HDAC7: variants seen among roughly 807,000 people sequenced by gnomAD.
HDAC7 encodes histone deacetylase 7A.
In HDAC7, 26 loss-of-function variants were observed where a neutral mutation model predicts 115.5. The ratio of observed to expected loss-of-function variants is 0.23; its 90% CI spans 0.16 to 0.31. The LOEUF is 0.31. HDAC7 is among the 10% of genes least tolerant of loss of function. The pLI, the probability that HDAC7 is intolerant of heterozygous loss-of-function variation, is 1.00. For missense variants in HDAC7, 1,068 were observed against 1,329.0 expected (o/e 0.80, Z 3.05); for synonymous variants, 564 against 550.9 (o/e 1.02, Z -0.33).
At position 47,794,974 on chromosome 12, in the gene HDAC7, G is replaced by A. The variant is rs370083746; in HGVS notation, c.1285-41C>T. ...CCTGGCTGAGAAGCCATGGTGGAGC[G>A]AGGGGCATGGGGTGGGAGGTGGTGG... On this transcript the variant is annotated intron_variant, in intron 11 of 25. Transcript: ENST00000080059. The A allele has an allele frequency of 4.2e-5, 66 of 1,575,096 alleles. No homozygotes were observed. The African/African-American group carries it at 6.8e-4, about 16-fold the overall frequency.
chr12:47,792,119 A>G, intron 13 of HDAC7, 115 bp from the exon 14 acceptor site: 1 of 1,256,596 alleles, frequency 8.0e-7, no homozygotes, highest in South Asian at 1.5e-5. Context: ...CCGGGCGGGT[A>G]CACACCCCTC....
At chr12:47,788,021 G>A (rs1555197025) in intron 20 of HDAC7, 24 bp downstream of exon 20, 1 of 1,602,386 alleles carries the variant, frequency 6.2e-7, no homozygotes, top group East Asian at 2.2e-5. Context: ...GAGGCTGGAA[G>A]ATGTGGCCCT....
chr12:47,815,259 GATC>G (rs1413071090), intron 1 of HDAC7, among the ~76,000 whole-genome samples: 4 of 152,190 alleles, frequency 2.6e-5, no homozygotes, highest in Admixed American at 2.6e-4. Context: ...CCAGAGGAAA[GATC>G]AGCCCCAATT....
At chr12:47,789,387 A>C (rs1197440095) in intron 18 of HDAC7, 39 bp from the exon 19 acceptor site, 1 of 1,584,472 alleles carries the variant, frequency 6.3e-7, no homozygotes, top group African/African-American at 1.3e-5. Flanking sequence ...CATTCTCTCC[A>C]CATGCCCTCA....
chr12:47,785,987 G>T, intron 22 of HDAC7, 102 bp from the exon 23 acceptor site: 1 of 1,158,930 alleles, frequency 8.6e-7, no homozygotes, highest in Non-Finnish European at 1.2e-6. Context: ...AATAAAGAAT[G>T]ACTCACATGT....
intron 2 of HDAC7, among the ~76,000 whole-genome samples, chr12:47,800,211 C>A (rs900848108): frequency 1.1e-4 from 16 of 152,150 alleles, no homozygotes; most frequent in African/African-American, 3.9e-4. Context: ...AATAAGGAAA[C>A]CGAGGCTCGG....
intron 2 of HDAC7, among the ~76,000 whole-genome samples, chr12:47,799,879 GA>G (rs1390402967): frequency 6.6e-6 from 1 of 152,226 alleles, no homozygotes; most frequent in Non-Finnish European, 1.5e-5. Context: ...TTATCCTGGA[GA>G]AGGGGAAGTG....
Position 47,795,262 on chromosome 12 carries a change from G to C in HDAC7, c.1206C>G (p.Pro402=), listed in dbSNP as rs774454875. Residue 402 remains proline (P), a synonymous_variant, in exon 11 of 26, where the codon CCC becomes CCG. Transcript: ENST00000080059. This position sits in a 1 kb window ranked among gnomAD's most constrained non-coding sequence, Gnocchi z 4.3. ...CCGGCGGTGGGGGAGCGGTGGCACTGGGGGGCAGGGGCTCTGAGCGAGTCC... is the reference window on the plus strand; with the variant it reads ...CCGGCGGTGGGGGAGCGGTGGCACTCGGGGGCAGGGGCTCTGAGCGAGTCC... ...LSRTRSEPLP[P]SATAPPPPGP... is the part of the protein sequence containing the mutation. The C allele has an allele frequency of 4.3e-5, 70 of 1,610,928 alleles. No individual in the cohort carries two copies. The highest frequency in any genetic ancestry group is 5.6e-5 in the Non-Finnish European group (66 of 1,177,832).
rs148806368 is a variant in HDAC7 at position 47,808,325 on chromosome 12, C to T, written c.20-6051G>A. The stretch of plus-strand genomic sequence containing the variant: ...GAGCTGGGAGCCAGTGTCGCCCCCC[C>T]ACCCCACCTCCACTTCTGCTGTTTG... On this transcript the variant is annotated intron_variant, in intron 1 of 25. Coordinates refer to ENST00000080059, the MANE Select transcript of HDAC7 (RefSeq NM_015401.5). Among the ~76,000 whole-genome samples the T allele has an allele frequency of 2.0e-3, 308 of 152,302 alleles. 1 individual carries two copies. Among genetic ancestry groups the T allele is most frequent in the African/African-American group, 6.9e-3 (285 of 41,554 alleles).
chr12:47,788,183 A>T lies in HDAC7; in HGVS notation c.2236-19T>A, dbSNP rs1429162251. 1 of 1,589,364 alleles carries T rather than the reference A, an allele frequency of 6.3e-7. No homozygotes were observed. The highest frequency in any genetic ancestry group is 8.6e-7 in the Non-Finnish European group (1 of 1,166,864). The stretch of plus-strand genomic sequence containing the variant: ...GCACGTCCTGTGTAGGGAGACGGGC[A>T]GCGATTAGGGAAGGCAGAGAGATGG... On this transcript the variant is annotated intron_variant, in intron 19 of 25. Transcript: ENST00000080059.
At chr12:47,812,602 C>T (rs763570105) in intron 1 of HDAC7, among the ~76,000 whole-genome samples, 1 of 152,182 alleles carries the variant, frequency 6.6e-6, no homozygotes, top group Non-Finnish European at 1.5e-5. Context: ...GAAACCGAGA[C>T]TCAGCCAAGG....
At chr12:47,807,397 G>A (rs190926401) in intron 1 of HDAC7, among the ~76,000 whole-genome samples, 3 of 152,210 alleles carry the variant, frequency 2.0e-5, no homozygotes, top group Admixed American at 2.0e-4. Context: ...AAACCTATGA[G>A]GTATTTACTG....
intron 16 of HDAC7, 68 bp from the exon 17 acceptor site, chr12:47,789,988 G>T: frequency 8.1e-7 from 1 of 1,227,274 alleles, no homozygotes; most frequent in Non-Finnish European, 1.2e-6. Context: ...CCAAGGGGGT[G>T]GTCCCCACCC....
intron 19 of HDAC7, chr12:47,789,013 AAC>A (rs1197321795): frequency 1.6e-5 from 8 of 508,300 alleles, no homozygotes; most frequent in Non-Finnish European, 2.8e-5. Flanking sequence ...GTCAAAAGAC[AAC>A]ACTCAAATGA....
Position 47,789,572 on chromosome 12 carries a change from A to G in HDAC7, c.2098T>C (p.Phe700Leu). ...TGTCCTGGGGGCCGCACCACAGCGA[A>G]ACCATTCTGGAAAAAGAAAGAATGC... is the stretch of plus-strand genomic sequence containing the variant. ...KVASRELKNG[F>L]AVVRPPGHHA... is the part of the protein sequence containing the mutation. Residue 700 changes from phenylalanine to leucine, a missense_variant, in exon 18 of 26, where the codon TTC becomes CTC. Physicochemically the swap from Phe to Leu is conservative, Grantham distance 22 (BLOSUM62 0). Transcript: ENST00000080059. 1 of 1,614,144 alleles carries G rather than the reference A, an allele frequency of 6.2e-7. No individual in the cohort carries two copies. The highest frequency in any genetic ancestry group is 8.5e-7 in the Non-Finnish European group (1 of 1,180,012).
chr12:47,786,391 G>A (rs1201390675), intron 22 of HDAC7, among the ~76,000 whole-genome samples, 194 bp downstream of exon 22: 1 of 152,238 alleles, frequency 6.6e-6, no homozygotes, highest in Non-Finnish European at 1.5e-5. Context: ...GCCTGGTCCT[G>A]AGAAAGGGCT....
rs928976334 is a variant in HDAC7, at chr12:47,789,151, C to G, written c.2235+110G>C. The G allele has an allele frequency of 7.1e-6, 6 of 845,818 alleles. No individual in the cohort carries two copies. The African/African-American group carries it at 1.0e-4, about 14-fold the overall frequency. The allele number at this position is 845,818 out of a possible 1,614,324, so 52.4% of individuals were successfully genotyped here. On this transcript the variant is annotated intron_variant, in intron 19 of 25. Transcript: ENST00000080059. ...AATTTTACACAAGGGGAAACTGAGG[C>G]TCAGAGAGGCTACTGCAGAACTAAG...
rs1943923737 is a variant in HDAC7, at chr12:47,797,534, T to G, written c.462-35A>C. The G allele has an allele frequency of 6.6e-7, 1 of 1,505,852 alleles. No homozygotes were observed. Among genetic ancestry groups the G allele is most frequent in the African/African-American group, 1.4e-5 (1 of 72,518 alleles). 93.3% of individuals were successfully genotyped at this position (1,505,852 alleles called of 1,614,324 possible). A position where few individuals can be genotyped will look rare whatever the true frequency, so the allele number is the denominator to read the frequency against. ...GAGTGCCAAGGCTGCTTCAGAGGTG[T>G]GGGGACACTGCACGGGCACTGCCCT... On this transcript the variant is annotated intron_variant, in intron 5 of 25. Transcript: ENST00000080059. The surrounding 1 kb of genome is among the most constrained non-coding windows in gnomAD (Gnocchi z 5.5).
intron 1 of HDAC7, among the ~76,000 whole-genome samples, chr12:47,808,675 G>A (rs1467653884): frequency 6.6e-6 from 1 of 152,190 alleles, no homozygotes; most frequent in Admixed American, 6.5e-5. Context: ...CAAGTCCATT[G>A]TGAAGGGGAG....
Sources: allele counts gnomAD v4.1 joint callset (sites outside exome capture counted in the v4.1 genomes callset), GRCh38; gene constraint gnomAD v4.1.1; non-coding constraint Gnocchi (gnomAD v3.1); transcripts MANE v1.5; gene names NCBI Gene and HGNC (gene_info 2026-07-23, HGNC 2026-07-21).